Variants in CSMD2 observed in about 807,000 individuals in gnomAD.
The protein encoded by CSMD2 is CUB and Sushi multiple domains 2, also known as CUB and sushi domain-containing protein 2.
In CSMD2, 130 loss-of-function variants were observed where a neutral mutation model predicts 398.5. That is an observed-to-expected ratio of 0.33 (90% CI 0.28 to 0.38). The LOEUF is 0.38. Ranked by LOEUF, CSMD2 falls within the 10% of genes least tolerant of loss-of-function variation. CSMD2 has a pLI of 1.00. For synonymous variants in CSMD2, 1,828 were observed against 1,908.5 expected, an observed-to-expected ratio of 0.96 and a Z score of 1.10; for missense variants, 3,829 against 4,764.9, an observed-to-expected ratio of 0.80 and a Z score of 5.78.
intron 2 of CSMD2, among the ~76,000 whole-genome samples, chr1:34,076,629 C>T (rs970385839): frequency 6.6e-6 from 1 of 151,876 alleles, no homozygotes; most frequent in Non-Finnish European, 1.5e-5. Context: ...TGTCTTTTTG[C>T]TAAATAGTGC....
chr1:34,038,021 C>T (rs1651366410), intron 2 of CSMD2, among the ~76,000 whole-genome samples: 1 of 152,166 alleles, frequency 6.6e-6, no homozygotes, highest in African/African-American at 2.4e-5. Context: ...TAAATTCCAG[C>T]AGGGAGGATT....
At chr1:33,674,237 A>G (rs1260372862) in intron 25 of CSMD2, among the ~76,000 whole-genome samples, 1 of 152,176 alleles carries the variant, frequency 6.6e-6, no homozygotes, top group Non-Finnish European at 1.5e-5. Flanking sequence ...GACACACATA[A>G]GCTCAAAATA....
At chr1:33,654,158 C>T (rs541687057) in intron 27 of CSMD2, among the ~76,000 whole-genome samples, 7 of 152,284 alleles carry the variant, frequency 4.6e-5, no homozygotes, top group African/African-American at 1.7e-4. Flanking sequence ...AAATATATCC[C>T]AAGAACCATC....
chr1:33,610,366 C>T (rs191764939), intron 41 of CSMD2, among the ~76,000 whole-genome samples: 40 of 152,056 alleles, frequency 2.6e-4, no homozygotes, highest in East Asian at 9.7e-4. Context: ...CATCCAAGGG[C>T]GAGGTTGGGC....
chr1:33,779,360 T>C (rs1236933507), intron 12 of CSMD2, among the ~76,000 whole-genome samples: 4 of 152,214 alleles, frequency 2.6e-5, no homozygotes, highest in Non-Finnish European at 5.9e-5. Flanking sequence ...ACCTTGGGCA[T>C]GTGACTTATT....
At chr1:34,029,111 C>T (rs1650082361) in intron 3 of CSMD2, among the ~76,000 whole-genome samples, 1 of 152,160 alleles carries the variant, frequency 6.6e-6, no homozygotes, top group South Asian at 2.1e-4. Context: ...GACACAACAA[C>T]ATCATGAATA....
In CSMD2 at chr1:33,827,746, C is replaced by A. The variant is rs141292422; in HGVS notation, c.1034-1972G>T. Among the ~76,000 whole-genome samples, 4 of 152,286 alleles carry A rather than the reference C, an allele frequency of 2.6e-5. No individual in the cohort carries two copies. In the East Asian group the frequency reaches 7.7e-4, roughly 29 times the overall value. On this transcript the variant is annotated intron_variant, in intron 6 of 70. Transcript: ENST00000373381. ...TTGACTGGTAGTTATTATACCTACT[C>A]AATAGATAATCAAATCAGGGTTCAA...
At chr1:34,142,404 G>T (rs1639384532) in intron 1 of CSMD2, among the ~76,000 whole-genome samples, 1 of 152,168 alleles carries the variant, frequency 6.6e-6, no homozygotes, top group African/African-American at 2.4e-5. Context: ...TGCCCCAGGA[G>T]ACGCAAGTCC....
intron 15 of CSMD2, among the ~76,000 whole-genome samples, chr1:33,736,735 G>C (rs1370268514): frequency 6.6e-6 from 1 of 152,216 alleles, no homozygotes; most frequent in Non-Finnish European, 1.5e-5. Flanking sequence ...TCTGCCCTGA[G>C]ACCACTCACA....
At chr1:33,995,076 GAA>G (rs60875643) in intron 3 of CSMD2, among the ~76,000 whole-genome samples, 19 of 127,044 alleles carry the variant, frequency 1.5e-4, no homozygotes, top group African/African-American at 3.1e-4. Context: ...AAAAAGAAAA[GAA>G]AAAAAAAAAA....
intron 25 of CSMD2, among the ~76,000 whole-genome samples, chr1:33,682,859 CGTT>C (rs1340173010): frequency 6.6e-6 from 1 of 152,144 alleles, no homozygotes; most frequent in Non-Finnish European, 1.5e-5. Context: ...TTTTTCATCA[CGTT>C]GTATCTAATT....
At chr1:33,542,341 T>C (rs1656429024) in intron 58 of CSMD2, among the ~76,000 whole-genome samples, 3 of 152,052 alleles carry the variant, frequency 2.0e-5, no homozygotes, top group Admixed American at 2.0e-4. Flanking sequence ...GAGAATCAGG[T>C]TGAGCTCTGG....
chr1:33,952,646 C>A (rs1570610127), intron 3 of CSMD2, among the ~76,000 whole-genome samples: 1 of 151,928 alleles, frequency 6.6e-6, no homozygotes, highest in East Asian at 1.9e-4. Flanking sequence ...CATGAGTAAT[C>A]ATTTTATGTG....
At chr1:33,864,218 T>A in intron 5 of CSMD2, 1 of 1,608,376 alleles carries the variant, frequency 6.2e-7, no homozygotes, top group Non-Finnish European at 8.5e-7. Context: ...AGCTAAAGCC[T>A]AAGGCAAATG....
chr1:34,027,793 AG>A (rs1274696682), intron 3 of CSMD2, among the ~76,000 whole-genome samples: 4 of 152,254 alleles, frequency 2.6e-5, no homozygotes, highest in Non-Finnish European at 5.9e-5. Context: ...GTGAGCAGAT[AG>A]ATGTCTAAAT....
chr1:33,661,369 GT>G (rs1253856515), intron 26 of CSMD2, among the ~76,000 whole-genome samples: 1 of 152,060 alleles, frequency 6.6e-6, no homozygotes, highest in African/African-American at 2.4e-5. Flanking sequence ...AACTTCCCAA[GT>G]TTGTTCCACG....
chr1:33,592,255 C>G (rs1344071015), intron 44 of CSMD2: 1 of 647,254 alleles, frequency 1.5e-6, no homozygotes, highest in Non-Finnish European at 2.8e-6. Context: ...ACTTTTTGGT[C>G]CACATGGAAA....
intron 52 of CSMD2, among the ~76,000 whole-genome samples, chr1:33,568,200 T>TTG (rs1020954380): frequency 7.3e-5 from 11 of 151,416 alleles, no homozygotes; most frequent in Non-Finnish European, 1.5e-4. Context: ...TTTTTTTTTT[T>TTG]TTTTTGAGAC....
intron 3 of CSMD2, among the ~76,000 whole-genome samples, chr1:33,991,744 T>C (rs1646560392): frequency 6.6e-6 from 1 of 152,078 alleles, no homozygotes; most frequent in Non-Finnish European, 1.5e-5. Flanking sequence ...AAGCTATCTG[T>C]CTCTGACTCA....
Sources: gnomAD v4.1 joint callset for allele counts (sites outside exome capture counted in the v4.1 genomes callset) on GRCh38, gnomAD v4.1.1 for gene constraint, MANE v1.5 for transcripts, NCBI Gene and HGNC (gene_info 2026-07-23, HGNC 2026-07-21) for gene names.